POPDC2: variants seen among roughly 807,000 people sequenced by gnomAD.
The protein encoded by POPDC2 is popeye domain-containing protein 2.
A neutral mutation model predicts 30.5 loss-of-function variants in POPDC2; 24 were observed. The ratio of observed to expected loss-of-function variants is 0.79; its 90% CI spans 0.57 to 1.11. The LOEUF is 1.11. Among genes scored for constraint, POPDC2 ranks in the 50% least tolerant of loss-of-function variants. The probability of loss-of-function intolerance (pLI) is 0.00; values close to 1 mark genes in which losing one functional copy is unlikely to be tolerated. For synonymous variants in POPDC2, 185 were observed against 183.3 expected, an observed-to-expected ratio of 1.01 and a Z score of -0.07; for missense variants, 409 against 447.0, an observed-to-expected ratio of 0.91 and a Z score of 0.77.
Position 119,648,576 on chromosome 3 carries a change from G to A in POPDC2, c.693C>T (p.Cys231=), listed in dbSNP as rs554350633. 3.0e-5 allele frequency: 49 copies of A among 1,614,162 alleles called. No individual in the cohort carries two copies. The South Asian group carries it at 4.8e-4, about 16-fold the overall frequency. ...CATATCCCAGCAGAGCCGAGAAGAGGCAGGAGATGTATCGCTCTTTGGTCA... is the reference window on the plus strand; with the variant it reads ...CATATCCCAGCAGAGCCGAGAAGAGACAGGAGATGTATCGCTCTTTGGTCA... ...LLLTKERYIS[C]LFSALLGYDI... is the part of the protein sequence containing the mutation. The change falls in exon 3 of 4, where the codon TGC becomes TGT. Residue 231 remains cysteine (C), a synonymous_variant. Transcript: ENST00000493094.
chr3:119,642,507 G>C lies in POPDC2; in HGVS notation c.*98C>G. Reference sequence around the variant, plus strand: ...TTCAGGCGTGTGGGTTGGAGCCAAAGGGGCCTGTCCCCTGGATATAACTTG... The same window carrying C: ...TTCAGGCGTGTGGGTTGGAGCCAAACGGGCCTGTCCCCTGGATATAACTTG... On this transcript the variant is annotated 3_prime_UTR_variant, in exon 4 of 4. Transcript: ENST00000493094. 2 of 1,613,084 alleles carry C rather than the reference G, an allele frequency of 1.2e-6. No homozygotes were observed. The highest frequency in any genetic ancestry group is 1.7e-6 in the Non-Finnish European group (2 of 1,179,074).
chr3:119,646,633 C>T (rs2052749275), intron 3 of POPDC2, among the ~76,000 whole-genome samples: 1 of 152,028 alleles, frequency 6.6e-6, no homozygotes, highest in Non-Finnish European at 1.5e-5. Flanking sequence ...GAGTGAGACC[C>T]TGTCTCAAGA....
chr3:119,658,466 AGC>A (rs997160391), intron 1 of POPDC2, among the ~76,000 whole-genome samples: 8 of 152,234 alleles, frequency 5.3e-5, no homozygotes, highest in Admixed American at 6.5e-5. Flanking sequence ...ACATGCTTCC[AGC>A]AAATGGGCAC....
intron 2 of POPDC2, among the ~76,000 whole-genome samples, chr3:119,650,144 T>C (rs971587614): frequency 1.3e-5 from 2 of 152,232 alleles, no homozygotes; most frequent in Non-Finnish European, 2.9e-5. Flanking sequence ...GTACCAAATA[T>C]GAAGCACATG....
Position 119,642,454 on chromosome 3 carries a change from A to C in POPDC2, c.*151T>G. The C allele has an allele frequency of 6.5e-7, 1 of 1,548,174 alleles. No individual in the cohort carries two copies. The highest frequency in any genetic ancestry group is 8.9e-7 in the Non-Finnish European group (1 of 1,120,486). On this transcript the variant is annotated 3_prime_UTR_variant, in exon 4 of 4. Transcript: ENST00000493094. The stretch of plus-strand genomic sequence containing the variant: ...CACAGAAGAGAGCTGCGCTGGCCAC[A>C]GAGAAGATAGTCCAATGATCCTTAA...
At chr3:119,655,081 C>G (rs1040540185) in intron 1 of POPDC2, among the ~76,000 whole-genome samples, 6 of 152,162 alleles carry the variant, frequency 3.9e-5, no homozygotes, top group Non-Finnish European at 5.9e-5. Flanking sequence ...AATCCCAGCA[C>G]TTTGGGAGGC....
At chr3:119,647,625 C>T (rs938706484) in intron 3 of POPDC2, among the ~76,000 whole-genome samples, 10 of 152,220 alleles carry the variant, frequency 6.6e-5, no homozygotes, top group Non-Finnish European at 1.2e-4. Flanking sequence ...TTTTCCTCCC[C>T]GAGCTATTAG....
intron 1 of POPDC2, 52 bp from the exon 2 acceptor site, chr3:119,654,665 G>T: frequency 7.7e-7 from 1 of 1,302,680 alleles, no homozygotes; most frequent in Non-Finnish European, 1.1e-6. Context: ...GGCTCTCCAA[G>T]CCACCTATGC....
intron 3 of POPDC2, among the ~76,000 whole-genome samples, chr3:119,646,240 T>C (rs1462560959): frequency 2.0e-5 from 3 of 151,296 alleles, no homozygotes; most frequent in African/African-American, 7.3e-5. Context: ...AAGGAGGTAA[T>C]AGGAGAGATA....
chr3:119,645,209 T>C (rs1396087438), intron 3 of POPDC2, among the ~76,000 whole-genome samples: 1 of 152,138 alleles, frequency 6.6e-6, no homozygotes, highest in Admixed American at 6.5e-5. Flanking sequence ...TTTCATACGA[T>C]AGTATGTATT....
intron 3 of POPDC2, among the ~76,000 whole-genome samples, chr3:119,647,150 C>T (rs780365380): frequency 6.6e-6 from 1 of 152,182 alleles, no homozygotes; most frequent in Non-Finnish European, 1.5e-5. Context: ...TTCACTCATT[C>T]ATTTCATGTA....
chr3:119,652,503 T>C (rs1254022507), intron 2 of POPDC2, among the ~76,000 whole-genome samples: 1 of 152,148 alleles, frequency 6.6e-6, no homozygotes, highest in Non-Finnish European at 1.5e-5. Flanking sequence ...AAAATATAAA[T>C]GGGAGGAACA....
intron 3 of POPDC2, chr3:119,643,354 C>A (rs1368406865): frequency 2.6e-6 from 4 of 1,528,528 alleles, no homozygotes; most frequent in South Asian, 1.2e-5. Flanking sequence ...TAGGCCTCCA[C>A]TTTTTGCTGT....
intron 2 of POPDC2, among the ~76,000 whole-genome samples, chr3:119,652,652 G>C (rs78033384): frequency 6.6e-6 from 1 of 152,194 alleles, no homozygotes; most frequent in Non-Finnish European, 1.5e-5. Context: ...GGTCCAGCTG[G>C]CTCAGGTCCT....
chr3:119,656,601 G>A (rs1200919327), intron 1 of POPDC2, among the ~76,000 whole-genome samples: 1 of 152,166 alleles, frequency 6.6e-6, no homozygotes. Flanking sequence ...GATGCCTGAG[G>A]ACAGGGAGTG....
chr3:119,658,471 A>G (rs2052902943), intron 1 of POPDC2, among the ~76,000 whole-genome samples: 1 of 152,230 alleles, frequency 6.6e-6, no homozygotes, highest in South Asian at 2.1e-4. Flanking sequence ...CTTCCAGCAA[A>G]TGGGCACCCT....
At chr3:119,650,576 C>T (rs1175005764) in intron 2 of POPDC2, among the ~76,000 whole-genome samples, 5 of 152,198 alleles carry the variant, frequency 3.3e-5, no homozygotes, top group Admixed American at 6.5e-5. Context: ...ATGCCATACA[C>T]TCCTTGCCCA....
Position 119,647,233 on chromosome 3 carries a change from G to A in POPDC2, c.*43+886C>T, listed in dbSNP as rs190482584. Among the ~76,000 whole-genome samples, 16 of 152,238 alleles carry A rather than the reference G, an allele frequency of 1.1e-4. 1 individual carries two copies. In the East Asian group the frequency reaches 2.5e-3, roughly 24 times the overall value. ...TGCTTTCTGAAGAACCATGGGAGGC[G>A]CCTTCCAAATTGGGAACAATGGGAT... On this transcript the variant is annotated intron_variant, in intron 3 of 3. Transcript: ENST00000493094.
chr3:119,654,009 G>A (rs946611118), intron 2 of POPDC2, among the ~76,000 whole-genome samples: 3 of 152,118 alleles, frequency 2.0e-5, no homozygotes, highest in Non-Finnish European at 2.9e-5. Context: ...GCTGTGGGGT[G>A]GAAGCAGGCT....
Sources: allele counts gnomAD v4.1 joint callset (sites outside exome capture counted in the v4.1 genomes callset), GRCh38; gene constraint gnomAD v4.1.1; transcripts MANE v1.5; gene names NCBI Gene and HGNC (gene_info 2026-07-23, HGNC 2026-07-21).